The following AGBL2 variants were observed in gnomAD, a reference collection of about 807,000 sequenced individuals.
AGBL2 encodes AGBL carboxypeptidase 2.
In AGBL2, 87 loss-of-function variants were observed where a neutral mutation model predicts 103.0. The observed-to-expected ratio is 0.84, with a 90% confidence interval of 0.71 to 1.01. The LOEUF is 1.01. Ranked by LOEUF, AGBL2 falls within the 50% of genes least tolerant of loss-of-function variation. The pLI is 0.00. For synonymous variants in AGBL2, 335 were observed against 356.7 expected (o/e 0.94, Z 0.69); for missense variants, 904 against 1,023.5 (o/e 0.88, Z 1.59).
chr11:47,691,962 A>G (rs2097449243), intron 9 of AGBL2, 141 bp downstream of exon 9: 1 of 680,182 alleles, frequency 1.5e-6, no homozygotes, highest in Non-Finnish European at 2.2e-6. Context: ...AATGAGTAAT[A>G]ATTACTCCAT....
At chr11:47,700,669 G>C (rs947134910) in intron 7 of AGBL2, among the ~76,000 whole-genome samples, 19 of 152,276 alleles carry the variant, frequency 1.2e-4, no homozygotes, top group African/African-American at 3.1e-4. Flanking sequence ...TTTTAGAAGA[G>C]TAGCCACTGA....
At position 47,714,312 on chromosome 11, in the gene AGBL2, AC is replaced by A; in HGVS notation, c.68del (p.Arg23LeufsTer34). 6.2e-7 allele frequency: 1 copy of A among 1,612,870 alleles called. No individual in the cohort carries two copies. Among genetic ancestry groups the A allele is most frequent in the Middle Eastern group, 1.7e-4 (1 of 6,060 alleles). On this transcript the variant is annotated frameshift_variant, in exon 3 of 19. Transcript: ENST00000525123. LOFTEE classifies it high-confidence loss of function. ...TAAAGTAGCCATAATATTGGAGGTG[AC>A]GGTACATAAAGTCTTCATAAGGATC... Reference protein sequence around the residue: ...IPDPYEDFMYRHLQYYGYFKA... With the variant: ...IPDPYEDFMYXHLQYYGYFKA...
chr11:47,702,534 A>G (rs1449468892), intron 7 of AGBL2, among the ~76,000 whole-genome samples: 1 of 152,200 alleles, frequency 6.6e-6, no homozygotes, highest in African/African-American at 2.4e-5. Flanking sequence ...TGTACTTAGC[A>G]TATAACAACA....
chr11:47,690,879 C>G, intron 9 of AGBL2, 21 bp from the exon 10 acceptor site: 1 of 1,585,538 alleles, frequency 6.3e-7, no homozygotes, highest in South Asian at 1.1e-5. Flanking sequence ...GAAAATAGAA[C>G]AACTCTGTAA....
intron 14 of AGBL2, among the ~76,000 whole-genome samples, chr11:47,669,162 G>T (rs1018593267): frequency 6.6e-6 from 1 of 152,028 alleles, no homozygotes; most frequent in Non-Finnish European, 1.5e-5. Flanking sequence ...TGACCTCCCC[G>T]GCTCAAGAGA....
rs746511315 is a variant in AGBL2, at chr11:47,714,264, A to G, written c.97+20T>C. 9.4e-6 allele frequency: 15 copies of G among 1,599,578 alleles called. No individual in the cohort carries two copies. The Middle Eastern group carries it at 1.2e-3, about 124-fold the overall frequency. On this transcript the variant is annotated intron_variant, in intron 3 of 18. Transcript: ENST00000525123. ...TCTTGAGTCCAGGAAAGGTGATACT[A>G]GATAAGAACATGGTATTACCTTTAA...
chr11:47,707,515 G>A (rs2097524933), intron 4 of AGBL2, among the ~76,000 whole-genome samples: 1 of 152,128 alleles, frequency 6.6e-6, no homozygotes, highest in Admixed American at 6.6e-5. Context: ...GATCTCGTGA[G>A]ACTTATTCAC....
At chr11:47,710,137 C>T (rs2097532739) in intron 4 of AGBL2, 1 of 447,682 alleles carries the variant, frequency 2.2e-6, no homozygotes, top group Non-Finnish European at 4.1e-6. Flanking sequence ...GATCCTCCCA[C>T]CTCAGCCTCC....
chr11:47,679,088 A>AAAAT (rs2097390866), intron 13 of AGBL2, among the ~76,000 whole-genome samples: 2 of 131,846 alleles, frequency 1.5e-5, no homozygotes, highest in African/African-American at 5.3e-5. Context: ...AAAAAAAAAA[A>AAAAT]AGAAAAGACA....
At chr11:47,701,525 G>C (rs1300463318) in intron 7 of AGBL2, among the ~76,000 whole-genome samples, 1 of 151,290 alleles carries the variant, frequency 6.6e-6, no homozygotes, top group Non-Finnish European at 1.5e-5. Context: ...GCATTAACTT[G>C]GTTATTAAAT....
chr11:47,679,172 G>A (rs960863257), intron 13 of AGBL2, among the ~76,000 whole-genome samples: 3 of 149,494 alleles, frequency 2.0e-5, no homozygotes, highest in Non-Finnish European at 4.4e-5. Context: ...TGTAATCCCA[G>A]CACTTTGAGA....
chr11:47,688,210 C>T (rs1483570106), intron 10 of AGBL2, among the ~76,000 whole-genome samples: 6 of 152,232 alleles, frequency 3.9e-5, no homozygotes, highest in African/African-American at 1.2e-4. Context: ...CCTCCTGCCT[C>T]GGCCTCTCAA....
intron 13 of AGBL2, among the ~76,000 whole-genome samples, chr11:47,677,915 C>T (rs1314832347): frequency 6.6e-6 from 1 of 152,080 alleles, no homozygotes; most frequent in Non-Finnish European, 1.5e-5. Flanking sequence ...TAGGGCAGAA[C>T]ATCAGTGAGC....
chr11:47,680,007 G>C lies in AGBL2; in HGVS notation c.1982C>G (p.Thr661Ser), dbSNP rs756126313. Reference sequence around the variant, plus strand: ...GTCAGGATCACAAAAGTCCAGAAGGGTGTCACAGACATGATAACCTAAGGA... The same window carrying C: ...GTCAGGATCACAAAAGTCCAGAAGGCTGTCACAGACATGATAACCTAAGGA... Reference protein sequence around the residue: ...LKSLGYHVCDTLLDFCDPDQM... With the variant: ...LKSLGYHVCDSLLDFCDPDQM... Residue 661 changes from threonine (T) to serine (S), a missense_variant, in exon 13 of 19, where the codon ACC (threonine) becomes AGC (serine). Coordinates refer to ENST00000525123, the MANE Select transcript of AGBL2 (RefSeq NM_024783.4). 14 of 1,612,440 alleles carry C rather than the reference G, an allele frequency of 8.7e-6. No individual in the cohort carries two copies. Among genetic ancestry groups the C allele is most frequent in the Non-Finnish European group, 1.2e-5 (14 of 1,178,998 alleles).
At chr11:47,664,653 C>T (rs1264604029) in intron 17 of AGBL2, among the ~76,000 whole-genome samples, 5 of 151,940 alleles carry the variant, frequency 3.3e-5, no homozygotes, top group South Asian at 2.1e-4. Context: ...CCTCGTGATC[C>T]GCCTGCCTCA....
In AGBL2 at chr11:47,660,314, A is replaced by G. The variant is rs745634422; in HGVS notation, c.2568T>C (p.Ser856=). ...NKKPGFTVSC[S]PKRTINSSQE... ...GGCTGGAGTTTATGGTTCTCTTTGG[A>G]GAGCATGATACTGTAAAGCCTGGCT... The change falls in exon 19 of 19, where the codon TCT becomes TCC. Residue 856 remains serine (S), a synonymous_variant. Coordinates refer to ENST00000525123, the MANE Select transcript of AGBL2 (RefSeq NM_024783.4). The G allele has an allele frequency of 1.9e-6, 3 of 1,614,170 alleles. No homozygotes were observed. The East Asian group carries it at 6.7e-5, about 36-fold the overall frequency.
intron 12 of AGBL2, among the ~76,000 whole-genome samples, chr11:47,681,717 C>T (rs2097402045): frequency 6.6e-6 from 1 of 152,180 alleles, no homozygotes; most frequent in Non-Finnish European, 1.5e-5. Flanking sequence ...CTTGGCCTCC[C>T]AAAGTGCTGG....
intron 7 of AGBL2, among the ~76,000 whole-genome samples, chr11:47,702,880 A>G (rs978699933): frequency 1.3e-5 from 2 of 152,108 alleles, no homozygotes; most frequent in Non-Finnish European, 2.9e-5. Flanking sequence ...TCTCAGAAAA[A>G]AAAAAGGAAC....
At position 47,660,326 on chromosome 11, in the gene AGBL2, T is replaced by C. The variant is rs34136118; in HGVS notation, c.2556A>G (p.Thr852=). 1.5e-3 allele frequency: 2,384 copies of C among 1,612,282 alleles called. 30 individuals are homozygous for C. In the African/African-American group the frequency reaches 0.027, roughly 18 times the overall value. ...TGGTTCTCTTTGGAGAGCATGATACTGTAAAGCCTGGCTTCTTATTCTGTG... is the reference window on the plus strand; with the variant it reads ...TGGTTCTCTTTGGAGAGCATGATACCGTAAAGCCTGGCTTCTTATTCTGTG... The part of the protein sequence containing the change: ...GRMQNKKPGF[T]VSCSPKRTIN... The change falls in exon 19 of 19, where the codon ACA becomes ACG. Residue 852 remains threonine, a synonymous_variant. Transcript: ENST00000525123.
Sources: allele counts gnomAD v4.1 joint callset (sites outside exome capture counted in the v4.1 genomes callset), GRCh38; gene constraint gnomAD v4.1.1; transcripts MANE v1.5; gene names NCBI Gene and HGNC (gene_info 2026-07-23, HGNC 2026-07-21).